PPFIA2: variants seen among roughly 807,000 people sequenced by gnomAD.
PPFIA2 encodes the protein liprin-alpha-2.
Under a neutral mutation model 175.5 loss-of-function variants are expected in PPFIA2, and 46 were observed. The ratio of observed to expected loss-of-function variants is 0.26; its 90% CI spans 0.21 to 0.34. The LOEUF is 0.34. Among genes scored for constraint, PPFIA2 ranks in the 10% least tolerant of loss-of-function variants. The probability of loss-of-function intolerance (pLI) is 1.00; values close to 1 mark genes in which losing one functional copy is unlikely to be tolerated. For missense variants in PPFIA2, 1,179 were observed against 1,506.1 expected, an observed-to-expected ratio of 0.78 and a Z score of 3.60; for synonymous variants, 568 against 511.4, an observed-to-expected ratio of 1.11 and a Z score of -1.49.
At chr12:81,659,264 G>A (rs2153543557) in intron 4 of PPFIA2, among the ~76,000 whole-genome samples, 1 of 152,238 alleles carries the variant, frequency 6.6e-6, no homozygotes, top group Non-Finnish European at 1.5e-5. Flanking sequence ...GCAGGGCGAG[G>A]CATCACCTCA....
intron 25 of PPFIA2, 98 bp from the exon 26 acceptor site, chr12:81,283,137 A>G: frequency 8.8e-7 from 1 of 1,139,112 alleles, no homozygotes; most frequent in East Asian, 2.5e-5. Context: ...AAATTGTTAT[A>G]CAAAATATTT....
intron 4 of PPFIA2, among the ~76,000 whole-genome samples, chr12:81,525,023 C>T (rs1346043844): frequency 1.3e-5 from 2 of 152,088 alleles, no homozygotes; most frequent in Admixed American, 6.6e-5. Context: ...TTTGAGGGTG[C>T]CTTGATCTTG....
intron 4 of PPFIA2, among the ~76,000 whole-genome samples, chr12:81,532,615 G>T (rs1214943842): frequency 6.6e-6 from 1 of 151,750 alleles, no homozygotes; most frequent in Non-Finnish European, 1.5e-5. Context: ...ACCTACAAAA[G>T]AAATTTTTTA....
At chr12:81,702,310 C>G (rs925109220) in intron 3 of PPFIA2, among the ~76,000 whole-genome samples, 1 of 152,054 alleles carries the variant, frequency 6.6e-6, no homozygotes, top group Non-Finnish European at 1.5e-5. Flanking sequence ...TTTTCTTTCC[C>G]CAGTTACTAT....
chr12:81,653,552 A>G (rs1364529307), intron 4 of PPFIA2, among the ~76,000 whole-genome samples: 3 of 151,892 alleles, frequency 2.0e-5, no homozygotes, highest in African/African-American at 7.3e-5. Context: ...TATCACTCCA[A>G]TCTCTGTCTC....
At position 81,433,587 on chromosome 12, in the gene PPFIA2, C is replaced by T. The variant is rs114685940; in HGVS notation, c.645+6385G>A. 5.1e-3 allele frequency among the ~76,000 whole-genome samples: 775 copies of T among 152,168 alleles called. 8 individuals are homozygous for T. The highest frequency in any genetic ancestry group is 0.017 in the African/African-American group (714 of 41,518). On this transcript the variant is annotated intron_variant, in intron 7 of 32. Coordinates refer to ENST00000549396, the MANE Select transcript of PPFIA2 (RefSeq NM_003625.5). ...GAGATTAATTAATTAAATTGAAAGA[C>T]GAAACAACTTGTTCATTTGATACAT... is the stretch of plus-strand genomic sequence containing the variant.
At position 81,259,049 on chromosome 12, in the gene PPFIA2, T is replaced by C. The variant is rs896083719; in HGVS notation, c.*645A>G. The C allele has an allele frequency of 3.1e-5, 5 of 163,192 alleles. No homozygotes were observed. The Admixed American group carries it at 3.2e-4, about 10-fold the overall frequency. The allele number at this position is 163,192 out of a possible 1,614,324, so 10.1% of individuals were successfully genotyped here. ...CTGATTGCCTTTAAAGCTCTATTTT[T>C]GGCTCCGGTTCCAGGTTAAATCATT... On this transcript the variant is annotated 3_prime_UTR_variant, in exon 33 of 33. Transcript: ENST00000549396.
chr12:81,391,029 A>G (rs2040017811), intron 8 of PPFIA2, among the ~76,000 whole-genome samples: 1 of 151,956 alleles, frequency 6.6e-6, no homozygotes. Flanking sequence ...GTGGAAGATA[A>G]TAAGTTTTAG....
At chr12:81,446,730 C>A (rs1462789041) in intron 5 of PPFIA2, among the ~76,000 whole-genome samples, 1 of 152,056 alleles carries the variant, frequency 6.6e-6, no homozygotes, top group Non-Finnish European at 1.5e-5. Context: ...ATATAAGACA[C>A]TGAAGGTGGA....
intron 4 of PPFIA2, among the ~76,000 whole-genome samples, chr12:81,549,513 G>A (rs2153365777): frequency 6.6e-6 from 1 of 152,004 alleles, no homozygotes; most frequent in African/African-American, 2.4e-5. Flanking sequence ...CATGGCCTAT[G>A]GGAAGTCTAA....
At chr12:81,478,577 C>T (rs183595714) in intron 4 of PPFIA2, among the ~76,000 whole-genome samples, 62 of 152,312 alleles carry the variant, frequency 4.1e-4, no homozygotes, top group African/African-American at 1.3e-3. Flanking sequence ...TCCCTCTAAA[C>T]ACTGCTTTAG....
chr12:81,718,071 G>A (rs1412391508), intron 3 of PPFIA2, among the ~76,000 whole-genome samples: 1 of 151,542 alleles, frequency 6.6e-6, no homozygotes, highest in African/African-American at 2.4e-5. Flanking sequence ...GAACATTCCT[G>A]AGTGGTCATT....
intron 4 of PPFIA2, among the ~76,000 whole-genome samples, chr12:81,638,228 C>T (rs1205812319): frequency 6.6e-6 from 1 of 152,006 alleles, no homozygotes. Context: ...TTATCACCAC[C>T]CTGTATGACT....
chr12:81,511,801 T>A (rs2061830079), intron 4 of PPFIA2, among the ~76,000 whole-genome samples: 1 of 152,032 alleles, frequency 6.6e-6, no homozygotes, highest in Admixed American at 6.6e-5. Context: ...TTCCAAGTCC[T>A]GAGCTGATTG....
At chr12:81,420,090 G>T (rs2045978843) in intron 7 of PPFIA2, among the ~76,000 whole-genome samples, 2 of 152,124 alleles carry the variant, frequency 1.3e-5, no homozygotes, top group African/African-American at 4.8e-5. Flanking sequence ...TCTAACTGCT[G>T]CCCACTCCTG....
intron 9 of PPFIA2, among the ~76,000 whole-genome samples, chr12:81,376,912 C>T (rs1046541592): frequency 6.6e-6 from 1 of 151,988 alleles, no homozygotes; most frequent in African/African-American, 2.4e-5. Context: ...AGTCCTGTCA[C>T]ATATAATAAT....
At chr12:81,526,262 T>C (rs911518411) in intron 4 of PPFIA2, among the ~76,000 whole-genome samples, 1 of 152,164 alleles carries the variant, frequency 6.6e-6, no homozygotes, top group Non-Finnish European at 1.5e-5. Flanking sequence ...AACAGAGTGG[T>C]CTTTTTCCTG....
chr12:81,475,457 T>A (rs556321155), intron 4 of PPFIA2, among the ~76,000 whole-genome samples: 34 of 152,348 alleles, frequency 2.2e-4, no homozygotes, highest in African/African-American at 7.7e-4. Context: ...ATAATGTGTT[T>A]TATAATTTTA....
At chr12:81,663,150 G>T (rs542082636) in intron 4 of PPFIA2, among the ~76,000 whole-genome samples, 1 of 152,090 alleles carries the variant, frequency 6.6e-6, no homozygotes, top group South Asian at 2.1e-4. Context: ...TCCCTCTCTC[G>T]CCACTCCTAT....
Sources: gnomAD v4.1 joint callset for allele counts (sites outside exome capture counted in the v4.1 genomes callset) on GRCh38, gnomAD v4.1.1 for gene constraint, MANE v1.5 for transcripts, NCBI Gene and HGNC (gene_info 2026-07-23, HGNC 2026-07-21) for gene names.